NBPF12: variants seen among roughly 807,000 people sequenced by gnomAD.
The protein encoded by NBPF12 is NBPF member 12.
NBPF12 carries 115 observed loss-of-function variants against 146.4 expected under a neutral mutation model. That is an observed-to-expected ratio of 0.79 (90% CI 0.68 to 0.92). The LOEUF (loss-of-function observed/expected upper bound fraction) is 0.92. Ranked by LOEUF, NBPF12 falls within the 40% of genes least tolerant of loss-of-function variation. The pLI is 0.00. For missense variants in NBPF12, 1,205 were observed against 1,326.8 expected (o/e 0.91, Z 1.43); for synonymous variants, 385 against 508.9 (o/e 0.76, Z 3.28).
At chr1:146,945,566 A>C (rs1655014459), upstream of NBPF12, among the ~76,000 whole-genome samples, 2 of 151,492 alleles carry the variant, frequency 1.3e-5, no homozygotes, top group South Asian at 4.2e-4. Context: ...GTACTAACCA[A>C]ACAATAACAG....
chr1:146,939,309 G>T (rs1321395122), intron 1 of NBPF12, among the ~76,000 whole-genome samples: 2 of 152,036 alleles, frequency 1.3e-5, no homozygotes, highest in Non-Finnish European at 2.9e-5. Context: ...CACTGACTTC[G>T]CACCCCACCC....
chr1:146,965,917 G>C (rs1342505865), intron 8 of NBPF12, among the ~76,000 whole-genome samples: 39 of 148,900 alleles, frequency 2.6e-4, no homozygotes, highest in Middle Eastern at 3.6e-3. Flanking sequence ...AAACCAGCCT[G>C]TCCAAGATGG....
In NBPF12 at chr1:146,943,826, A is replaced by G. The variant is rs1272646193; in HGVS notation, c.-550+264A>G. On this transcript the variant is annotated intron_variant, in intron 2 of 35. Transcript: ENST00000617931. ...TCTTCAGGACTTTTCCTTGGTAGCT[A>G]GATCTGCATCCCTCTCCTCTCTCTT... Among the ~76,000 whole-genome samples, 4 of 150,504 alleles carry G rather than the reference A, an allele frequency of 2.7e-5. No homozygotes were observed. The East Asian group carries it at 5.9e-4, about 22-fold the overall frequency.
chr1:146,994,095 TCTGTC>T (rs1658358206), intron 33 of NBPF12, among the ~76,000 whole-genome samples: 1 of 65,194 alleles, frequency 1.5e-5, no homozygotes, highest in Non-Finnish European at 3.3e-5. Flanking sequence ...TCACTTTCTC[TCTGTC>T]TCTGTCTCTG....
At chr1:146,981,527 G>T (rs1291786868) in intron 19 of NBPF12, among the ~76,000 whole-genome samples, 10 of 151,272 alleles carry the variant, frequency 6.6e-5, no homozygotes, top group African/African-American at 1.2e-4. Flanking sequence ...TGACAATTAT[G>T]TGTCCCGGGG....
chr1:146,976,336 T>G (rs1413027003), intron 16 of NBPF12, among the ~76,000 whole-genome samples: 1 of 139,186 alleles, frequency 7.2e-6, no homozygotes, highest in Non-Finnish European at 1.5e-5. Context: ...GGTCTGAAGC[T>G]TTCAAATGTG....
At chr1:146,971,783 TTAA>T (rs1656633961) in intron 13 of NBPF12, among the ~76,000 whole-genome samples, 1 of 150,814 alleles carries the variant, frequency 6.6e-6, no homozygotes, top group African/African-American at 2.5e-5. Context: ...GTCTTAGCTA[TTAA>T]TAAGAAGTCT....
intron 13 of NBPF12, among the ~76,000 whole-genome samples, chr1:146,971,861 C>G (rs1553886517): frequency 6.8e-6 from 1 of 147,922 alleles, no homozygotes; most frequent in Non-Finnish European, 1.5e-5. Context: ...GGGTGGATCA[C>G]GAGGTCAGGA....
intron 5 of NBPF12, 123 bp from the exon 9 acceptor site, chr1:146,962,972 C>A: frequency 3.0e-6 from 2 of 670,378 alleles, no homozygotes; most frequent in Non-Finnish European, 5.3e-6. Flanking sequence ...TTCCTTTCAA[C>A]ATGTGCTGAC....
At chr1:146,964,777 T>G (rs1417747721) in intron 7 of NBPF12, 116 bp from the exon 11 acceptor site, 34 of 1,545,670 alleles carry the variant, frequency 2.2e-5, no homozygotes, top group Admixed American at 2.0e-4. Flanking sequence ...GGAACCTCCA[T>G]TTTGCTTTCT....
At chr1:146,967,871 A>G (rs1199693865) in intron 9 of NBPF12, among the ~76,000 whole-genome samples, 12 of 134,754 alleles carry the variant, frequency 8.9e-5, no homozygotes, top group South Asian at 2.2e-4. Context: ...ATTAACAGAA[A>G]CTTCATTAGC....
rs1553888400 is a variant in NBPF12 at position 146,984,674 on chromosome 1, G to C, written c.2667-139G>C. 238 of 696,976 alleles carry C rather than the reference G, an allele frequency of 3.4e-4. 13 individuals carry two copies. The African/African-American group carries it at 4.0e-3, about 12-fold the overall frequency. 43.2% of individuals were successfully genotyped at this position (696,976 alleles called of 1,614,324 possible). ...TGGCCCTAGTCTATCACAACATAAAGGCAATAATTTGTTACCTCATTAATG... is the reference window on the plus strand; with the variant it reads ...TGGCCCTAGTCTATCACAACATAAACGCAATAATTTGTTACCTCATTAATG... On this transcript the variant is annotated intron_variant, in intron 21 of 33. Coordinates refer to ENST00000617844, the Ensembl canonical transcript of NBPF12.
At chr1:146,960,586 T>C (rs1332594245) in intron 4 of NBPF12, among the ~76,000 whole-genome samples, 22,428 of 151,994 alleles carry the variant, frequency 0.15, 2,040 homozygotes, top group Admixed American at 0.27. Flanking sequence ...TGACCTGTTT[T>C]CTCCAAGAGG....
intron 1 of NBPF12, among the ~76,000 whole-genome samples, chr1:146,939,283 G>T (rs1247485642): frequency 6.6e-6 from 1 of 152,054 alleles, no homozygotes; most frequent in African/African-American, 2.4e-5. Flanking sequence ...CACGTCTTCG[G>T]AAGTCCTGTG....
intron 8 of NBPF12, among the ~76,000 whole-genome samples, chr1:146,966,065 C>T (rs1553885602): frequency 1.3e-5 from 2 of 149,716 alleles, no homozygotes; most frequent in East Asian, 3.9e-4. Context: ...TGAGATTGTG[C>T]CTCTGCACTG....
chr1:146,975,914 T>A, intron 16 of NBPF12, 23 bp downstream of exon 19: 4 of 1,605,264 alleles, frequency 2.5e-6, no homozygotes, highest in Non-Finnish European at 3.4e-6. Context: ...TAGGCCCTGA[T>A]GACCCAAAAC....
intron 2 of NBPF12, among the ~76,000 whole-genome samples, chr1:146,957,979 ATG>A (rs1290246190): frequency 0.18 from 20,728 of 115,166 alleles, 4,361 homozygotes; most frequent in Admixed American, 0.32. Flanking sequence ...ACATGTATAT[ATG>A]TGTGTGTATA....
intron 21 of NBPF12, 42 bp downstream of exon 24, chr1:146,984,227 C>T (rs1466220705): frequency 5.2e-6 from 4 of 774,382 alleles, no homozygotes; most frequent in East Asian, 4.9e-5. Context: ...GATGTTGACA[C>T]CTGGAGATGC....
At chr1:146,982,607 T>C (rs1299518425) in intron 19 of NBPF12, among the ~76,000 whole-genome samples, 1 of 151,802 alleles carries the variant, frequency 6.6e-6, no homozygotes, top group Non-Finnish European at 1.5e-5. Flanking sequence ...TTCAACCCAA[T>C]TTATGCAAAG....
Sources: gnomAD v4.1 joint callset for allele counts (sites outside exome capture counted in the v4.1 genomes callset) on GRCh38, gnomAD v4.1.1 for gene constraint, MANE v1.5 for transcripts, NCBI Gene and HGNC (gene_info 2026-07-23, HGNC 2026-07-21) for gene names.